The following DPYSL3 variants were observed in gnomAD, a reference collection of about 807,000 sequenced individuals.
The protein encoded by DPYSL3 is dihydropyrimidinase-related protein 3.
A neutral mutation model predicts 66.1 loss-of-function variants in DPYSL3; 16 were observed. The observed-to-expected ratio is 0.24, with a 90% CI of 0.16 to 0.37. The LOEUF is 0.37. DPYSL3 is among the 10% of genes least tolerant of loss of function. DPYSL3 has a pLI of 1.00. For missense variants in DPYSL3, 738 were observed against 916.2 expected, an observed-to-expected ratio of 0.81 and a Z score of 2.51; for synonymous variants, 338 against 345.1, an observed-to-expected ratio of 0.98 and a Z score of 0.23.
At chr5:147,501,011 T>A (rs146962284) in intron 1 of DPYSL3, among the ~76,000 whole-genome samples, 1,829 of 152,312 alleles carry the variant, frequency 0.012, 13 homozygotes, top group Middle Eastern at 0.031. Context: ...ACAAAACGTA[T>A]GTGCCCACGA....
intron 1 of DPYSL3, among the ~76,000 whole-genome samples, chr5:147,440,026 G>C (rs1464546441): frequency 6.6e-6 from 1 of 152,226 alleles, no homozygotes; most frequent in Non-Finnish European, 1.5e-5. Context: ...GGGTGGGCCA[G>C]GCACAGCGGC....
intron 1 of DPYSL3, among the ~76,000 whole-genome samples, chr5:147,436,202 G>A (rs1297423128): frequency 6.6e-6 from 1 of 152,202 alleles, no homozygotes; most frequent in Admixed American, 6.5e-5. Flanking sequence ...AAGGTGGAGA[G>A]GATATCTGGG....
chr5:147,502,273 T>C (rs1022907099), intron 1 of DPYSL3, among the ~76,000 whole-genome samples: 3 of 151,900 alleles, frequency 2.0e-5, no homozygotes, highest in African/African-American at 7.3e-5. Flanking sequence ...ACCTATGAAA[T>C]TGGGGGTACA....
intron 1 of DPYSL3, among the ~76,000 whole-genome samples, chr5:147,465,485 A>G (rs1752996982): frequency 6.6e-6 from 1 of 152,100 alleles, no homozygotes; most frequent in Non-Finnish European, 1.5e-5. Flanking sequence ...TTTTTAGTAG[A>G]GACTGGGTTT....
At chr5:147,453,625 C>T in intron 1 of DPYSL3, 1 of 1,523,484 alleles carries the variant, frequency 6.6e-7, no homozygotes, top group Non-Finnish European at 8.8e-7. Flanking sequence ...CTCCCTCCCT[C>T]CTTCTTCTGC....
intron 1 of DPYSL3, among the ~76,000 whole-genome samples, chr5:147,460,484 G>A (rs552518968): frequency 6.0e-4 from 92 of 152,272 alleles, no homozygotes; most frequent in African/African-American, 2.0e-3. Context: ...ATGACAAAGG[G>A]ATTTTGTGAT....
At chr5:147,443,490 G>A (rs1233663713) in intron 1 of DPYSL3, among the ~76,000 whole-genome samples, 1 of 151,996 alleles carries the variant, frequency 6.6e-6, no homozygotes, top group Non-Finnish European at 1.5e-5. Flanking sequence ...GGGGTTGGGG[G>A]GGTGATGGGA....
intron 1 of DPYSL3, among the ~76,000 whole-genome samples, chr5:147,508,480 G>A (rs1465036286): frequency 6.6e-6 from 1 of 152,108 alleles, no homozygotes; most frequent in East Asian, 1.9e-4. Context: ...CCTAGACAAG[G>A]GTGAGGGCAT....
intron 1 of DPYSL3, among the ~76,000 whole-genome samples, chr5:147,429,763 T>C (rs1311977358): frequency 1.3e-5 from 2 of 152,170 alleles, no homozygotes; most frequent in Non-Finnish European, 2.9e-5. Flanking sequence ...TTAAACCTTA[T>C]GACAAGCAGC....
chr5:147,496,011 A>G (rs1016073028), intron 1 of DPYSL3, among the ~76,000 whole-genome samples: 6 of 152,228 alleles, frequency 3.9e-5, no homozygotes, highest in African/African-American at 1.4e-4. Flanking sequence ...CTACAAGGCT[A>G]CAGTAACCAA....
intron 1 of DPYSL3, among the ~76,000 whole-genome samples, chr5:147,502,775 A>C (rs1465320073): frequency 6.6e-6 from 1 of 151,798 alleles, no homozygotes; most frequent in African/African-American, 2.4e-5. Flanking sequence ...ACGAGGTTTC[A>C]CCGTGTTAGC....
intron 1 of DPYSL3, among the ~76,000 whole-genome samples, chr5:147,502,309 T>TA (rs1320267178): frequency 1.3e-5 from 2 of 151,704 alleles, no homozygotes; most frequent in Admixed American, 1.3e-4. Context: ...CGCTAAATGA[T>TA]AAAAAATAAT....
chr5:147,411,357 A>G (rs1751849296), intron 6 of DPYSL3, among the ~76,000 whole-genome samples: 1 of 152,130 alleles, frequency 6.6e-6, no homozygotes, highest in Non-Finnish European at 1.5e-5. Context: ...GGAGCCCTGC[A>G]TGGCTGGGGT....
At chr5:147,484,756 A>G (rs1753302471) in intron 1 of DPYSL3, among the ~76,000 whole-genome samples, 1 of 152,218 alleles carries the variant, frequency 6.6e-6, no homozygotes, top group Non-Finnish European at 1.5e-5. Context: ...CATGTCACAC[A>G]AGACCAGGCT....
At chr5:147,492,231 A>G (rs1192230268) in intron 1 of DPYSL3, among the ~76,000 whole-genome samples, 2 of 152,148 alleles carry the variant, frequency 1.3e-5, no homozygotes, top group African/African-American at 4.8e-5. Context: ...ACAAAAAGAA[A>G]TTGAGGGAAT....
At chr5:147,433,190 G>A (rs1012265772) in intron 1 of DPYSL3, among the ~76,000 whole-genome samples, 4 of 152,126 alleles carry the variant, frequency 2.6e-5, no homozygotes, top group Admixed American at 6.5e-5. Context: ...GTGTCCACAT[G>A]GGCCTGTGAG....
rs75853686 is a variant in DPYSL3, at chr5:147,471,821, T to C, written c.381+37657A>G. 5.3e-3 allele frequency among the ~76,000 whole-genome samples: 801 copies of C among 152,244 alleles called. 29 individuals are homozygous for C. In the East Asian group the frequency reaches 0.1, roughly 20 times the overall value. On this transcript the variant is annotated intron_variant, in intron 1 of 13. Transcript: ENST00000343218. The stretch of plus-strand genomic sequence containing the variant: ...TATAACAAGAGCGTGAGAGAATAGA[T>C]TGAGATAAATTTTGCAGAAGTTATC...
At chr5:147,502,109 T>C (rs751185194) in intron 1 of DPYSL3, among the ~76,000 whole-genome samples, 7 of 152,094 alleles carry the variant, frequency 4.6e-5, no homozygotes, top group Non-Finnish European at 8.8e-5. Context: ...AGGCCGGCTT[T>C]CTGACTCAGA....
At chr5:147,395,452 G>A (rs1757939548) in intron 13 of DPYSL3, 107 bp downstream of exon 13, 2 of 1,383,788 alleles carry the variant, frequency 1.4e-6, no homozygotes, top group South Asian at 1.3e-5. Context: ...CCAGTGCTAG[G>A]CTGGAAAACT....
Sources: allele counts gnomAD v4.1 joint callset (sites outside exome capture counted in the v4.1 genomes callset), GRCh38; gene constraint gnomAD v4.1.1; transcripts MANE v1.5; gene names NCBI Gene and HGNC (gene_info 2026-07-23, HGNC 2026-07-21).